DENND2B: variants seen among roughly 807,000 people sequenced by gnomAD.
The protein encoded by DENND2B is DENN domain-containing protein 2B.
A neutral mutation model predicts 116.0 loss-of-function variants in DENND2B; 32 were observed. The observed-to-expected ratio is 0.28, with a 90% CI of 0.21 to 0.37. The LOEUF (loss-of-function observed/expected upper bound fraction) is 0.37. Among genes scored for constraint, DENND2B ranks in the 10% least tolerant of loss-of-function variants. The pLI, the probability that DENND2B is intolerant of heterozygous loss-of-function variation, is 1.00. For synonymous variants in DENND2B, 588 were observed against 583.9 expected, an observed-to-expected ratio of 1.01 and a Z score of -0.10; for missense variants, 1,276 against 1,477.7, an observed-to-expected ratio of 0.86 and a Z score of 2.24.
chr11:8,750,915 C>G (rs375305132), intron 1 of DENND2B, among the ~76,000 whole-genome samples, 190 bp from the exon 2 acceptor site: 1 of 152,322 alleles, frequency 6.6e-6, no homozygotes. Context: ...GCCTGGAATA[C>G]GGAGGAGTGT....
chr11:8,699,107 G>A lies in DENND2B; in HGVS notation c.2898+106C>T. ...TCCAGCCGGGGATAGACCTCCCAGGGAGAAAGGATAAGAGCCTGGTAAAGA... is the reference window on the plus strand; with the variant it reads ...TCCAGCCGGGGATAGACCTCCCAGGAAGAAAGGATAAGAGCCTGGTAAAGA... On this transcript the variant is annotated intron_variant, in intron 15 of 19. Coordinates refer to ENST00000313726, the MANE Select transcript of DENND2B (RefSeq NM_213618.2). The A allele has an allele frequency of 2.6e-6, 4 of 1,520,946 alleles. No homozygotes were observed. In the East Asian group the frequency reaches 9.0e-5, roughly 34 times the overall value. 94.2% of individuals were successfully genotyped at this position (1,520,946 alleles called of 1,614,324 possible).
At chr11:8,779,754 TC>T (rs2058182588) in intron 1 of DENND2B, among the ~76,000 whole-genome samples, 1 of 152,126 alleles carries the variant, frequency 6.6e-6, no homozygotes, top group Admixed American at 6.5e-5. Context: ...CCTCAGGTGA[TC>T]CGCCCCGCCT....
At chr11:8,721,578 G>A (rs1389666403) in intron 4 of DENND2B, among the ~76,000 whole-genome samples, 7 of 152,164 alleles carry the variant, frequency 4.6e-5, no homozygotes, top group Non-Finnish European at 1.0e-4. Context: ...AGGACAGAAA[G>A]GGCCAGGATA....
chr11:8,839,671 G>A lies in DENND2B; in HGVS notation c.-155-321C>T, dbSNP rs79874590. Among the ~76,000 whole-genome samples, 23 of 152,290 alleles carry A rather than the reference G, an allele frequency of 1.5e-4. No individual in the cohort carries two copies. The East Asian group carries it at 3.5e-3, about 23-fold the overall frequency. On this transcript the variant is annotated intron_variant, in intron 3 of 6. Coordinates refer to the DENND2B transcript ENST00000524757. ...CAAGCATTACATACAGAGTGGGGAA[G>A]AGGGAAGGAAAAAACCTGGAGCTCT...
chr11:8,718,455 G>C lies in DENND2B; in HGVS notation c.1478-563C>G. On this transcript the variant is annotated intron_variant, in intron 4 of 19. Transcript: ENST00000313726. ...ACGATGCCGTTCAACAAGTCTTTTA[G>C]GGCAGGGTTTTGTGTTGTTCACTGA... 3 of 1,512,404 alleles carry C rather than the reference G, an allele frequency of 2.0e-6. No individual in the cohort carries two copies. In the African/African-American group the frequency reaches 4.1e-5, roughly 21 times the overall value. The allele number at this position is 1,512,404 out of a possible 1,614,324, so 93.7% of individuals were successfully genotyped here.
chr11:8,726,163 G>A lies in DENND2B; in HGVS notation c.1387C>T (p.Pro463Ser), dbSNP rs774238423. Residue 463 changes from proline to serine, a missense_variant, in exon 4 of 20, where the codon CCC becomes TCC. Physicochemically the swap from Pro to Ser is moderately conservative, Grantham distance 74. This residue lies in a region of DENND2B where 856 missense variants were observed against 846.6 expected (regional missense o/e 1.01). Transcript: ENST00000313726. Reference sequence around the variant, plus strand: ...GTACCATTCTCAGTGGGAGAAGAGGGGTACAGGGACTGGAGACTGGATGCA... The same window carrying A: ...GTACCATTCTCAGTGGGAGAAGAGGAGTACAGGGACTGGAGACTGGATGCA... ...EDASSLQSLY[P>S]SSPTENGTEN... is the part of the protein sequence containing the mutation. 2 of 1,613,990 alleles carry A rather than the reference G, an allele frequency of 1.2e-6. No individual in the cohort carries two copies. The highest frequency in any genetic ancestry group is 2.2e-5 in the South Asian group (2 of 91,048).
At chr11:8,821,578 CA>C (rs5789587) in intron 4 of DENND2B, among the ~76,000 whole-genome samples, 138,190 of 149,260 alleles carry the variant, frequency 0.93, 64,784 homozygotes, top group South Asian at 1. Context: ...GATCCTGTCT[CA>C]AAAAAAAAAA....
At chr11:8,743,392 A>C (rs1178550739) in intron 2 of DENND2B, among the ~76,000 whole-genome samples, 1 of 151,726 alleles carries the variant, frequency 6.6e-6, no homozygotes, top group Admixed American at 6.6e-5. Context: ...TCTACTAAAA[A>C]TGCAAAAATT....
chr11:8,847,020 A>G (rs535970711), intron 3 of DENND2B, among the ~76,000 whole-genome samples: 1 of 152,334 alleles, frequency 6.6e-6, no homozygotes, highest in East Asian at 1.9e-4. Context: ...CTCTTTCACA[A>G]AATTAAAGGT....
At chr11:8,753,902 G>A (rs946641462) in intron 1 of DENND2B, among the ~76,000 whole-genome samples, 34 of 152,062 alleles carry the variant, frequency 2.2e-4, no homozygotes, top group Admixed American at 1.3e-4. Context: ...TAAAAATAAA[G>A]TAAAAAATGT....
At chr11:8,869,206 C>A (rs1265025725) in intron 2 of DENND2B, among the ~76,000 whole-genome samples, 4 of 152,200 alleles carry the variant, frequency 2.6e-5, no homozygotes, top group African/African-American at 9.7e-5. Context: ...CAAGCCAATC[C>A]AATCTAAGCG....
chr11:8,793,979 T>C (rs770934753), intron 1 of DENND2B, among the ~76,000 whole-genome samples: 13 of 152,028 alleles, frequency 8.6e-5, no homozygotes, highest in Non-Finnish European at 1.9e-4. Flanking sequence ...TTTAAATATA[T>C]AAATAAAAAA....
At chr11:8,744,839 C>A (rs1354159206) in intron 2 of DENND2B, among the ~76,000 whole-genome samples, 1 of 152,046 alleles carries the variant, frequency 6.6e-6, no homozygotes, top group East Asian at 1.9e-4. Context: ...AGTTACAGGT[C>A]TTCACAGCAA....
intron 2 of DENND2B, among the ~76,000 whole-genome samples, chr11:8,868,607 AAAC>A (rs975092681): frequency 6.6e-6 from 1 of 152,230 alleles, no homozygotes; most frequent in Non-Finnish European, 1.5e-5. Context: ...GTCTTTTTAA[AAAC>A]AAGAATTCCC....
intron 1 of DENND2B, among the ~76,000 whole-genome samples, chr11:8,781,578 T>C (rs1376748261): frequency 6.6e-6 from 1 of 151,706 alleles, no homozygotes; most frequent in Non-Finnish European, 1.5e-5. Context: ...GGATGTTCTG[T>C]AAACCAGTAT....
intron 3 of DENND2B, chr11:8,845,113 T>G (rs985536027): frequency 6.6e-6 from 1 of 152,206 alleles, no homozygotes; most frequent in Non-Finnish European, 1.5e-5. Flanking sequence ...TGTTTGAATA[T>G]GCAAATGATC....
intron 16 of DENND2B, chr11:8,697,899 G>A (rs936946536): frequency 3.9e-5 from 20 of 518,126 alleles, no homozygotes; most frequent in Non-Finnish European, 6.1e-5. Context: ...AAGGCTGAGC[G>A]GGAGGATCGC....
intron 2 of DENND2B, among the ~76,000 whole-genome samples, chr11:8,859,270 G>A (rs1460064886): frequency 6.6e-6 from 1 of 151,602 alleles, no homozygotes; most frequent in Non-Finnish European, 1.5e-5. Context: ...CTTGGCATAG[G>A]GTTAGATAAA....
chr11:8,756,010 C>T (rs2053547317), intron 1 of DENND2B, among the ~76,000 whole-genome samples: 1 of 152,122 alleles, frequency 6.6e-6, no homozygotes, highest in Admixed American at 6.6e-5. Flanking sequence ...TTTCTCAGGC[C>T]AGTTTTCAGG....
Sources: allele counts gnomAD v4.1 joint callset (sites outside exome capture counted in the v4.1 genomes callset), GRCh38; gene constraint gnomAD v4.1.1; regional missense constraint gnomAD v4.1.1; transcripts MANE v1.5; gene names NCBI Gene and HGNC (gene_info 2026-07-23, HGNC 2026-07-21).